Variants in MNAT1 observed in about 807,000 individuals in gnomAD.
The protein encoded by MNAT1 is MNAT1 component of CDK activating kinase.
MNAT1 carries 43 observed loss-of-function variants against 42.0 expected under a neutral mutation model. The observed-to-expected ratio is 1.02, with a 90% CI of 0.80 to 1.32. The LOEUF (loss-of-function observed/expected upper bound fraction) is 1.32. Among genes scored for constraint, MNAT1 ranks in the 40% most tolerant of loss-of-function variants. MNAT1 has a pLI of 0.00. For missense variants in MNAT1, 306 were observed against 350.4 expected (o/e 0.87, Z 1.01); for synonymous variants, 118 against 120.0 (o/e 0.98, Z 0.11).
At chr14:60,799,965 T>G (rs80115385) in intron 3 of MNAT1, among the ~76,000 whole-genome samples, 2,099 of 152,148 alleles carry the variant, frequency 0.014, 46 homozygotes, top group African/African-American at 0.048. Context: ...AGTTGCAGTA[T>G]CGGGAAACTC....
At chr14:60,825,173 A>T (rs935625899) in intron 6 of MNAT1, among the ~76,000 whole-genome samples, 1 of 152,214 alleles carries the variant, frequency 6.6e-6, no homozygotes, top group African/African-American at 2.4e-5. Flanking sequence ...CAGCCTCATT[A>T]GTGACTGGTG....
chr14:60,769,347 C>T (rs2030963701), intron 1 of MNAT1, among the ~76,000 whole-genome samples: 1 of 152,294 alleles, frequency 6.6e-6, no homozygotes, highest in South Asian at 2.1e-4. Flanking sequence ...ACATAACTCA[C>T]TGCAACTTTG....
intron 1 of MNAT1, among the ~76,000 whole-genome samples, chr14:60,785,164 T>A (rs2031607432): frequency 6.6e-6 from 1 of 152,228 alleles, no homozygotes; most frequent in Non-Finnish European, 1.5e-5. Context: ...TCAGTGAACA[T>A]TTACTATGTA....
intron 7 of MNAT1, among the ~76,000 whole-genome samples, chr14:60,911,240 A>G (rs1255723627): frequency 2.6e-5 from 4 of 151,570 alleles, no homozygotes; most frequent in East Asian, 1.9e-4. Flanking sequence ...TCTTGCTAGC[A>G]GTCTATCAAT....
chr14:60,899,212 G>A (rs1477783049), intron 7 of MNAT1, among the ~76,000 whole-genome samples: 1 of 152,108 alleles, frequency 6.6e-6, no homozygotes, highest in Non-Finnish European at 1.5e-5. Context: ...CAAAGATATA[G>A]ATGCACGTAC....
At chr14:60,889,570 A>G (rs1368163114) in intron 7 of MNAT1, among the ~76,000 whole-genome samples, 2 of 152,232 alleles carry the variant, frequency 1.3e-5, no homozygotes, top group African/African-American at 2.4e-5. Flanking sequence ...AACACCAAAA[A>G]AAATGGCAAC....
intron 7 of MNAT1, among the ~76,000 whole-genome samples, chr14:60,882,898 G>C (rs184898653): frequency 1.3e-5 from 2 of 152,044 alleles, no homozygotes; most frequent in African/African-American, 4.8e-5. Flanking sequence ...AGAAATGTAT[G>C]TTCAAATCTT....
intron 7 of MNAT1, among the ~76,000 whole-genome samples, chr14:60,906,400 A>G (rs913296863): frequency 2.6e-5 from 4 of 152,164 alleles, no homozygotes; most frequent in African/African-American, 9.7e-5. Flanking sequence ...GTCATCAGAG[A>G]GTAGATGGTG....
At chr14:60,827,057 A>G (rs1274522016) in intron 6 of MNAT1, among the ~76,000 whole-genome samples, 1 of 152,232 alleles carries the variant, frequency 6.6e-6, no homozygotes, top group Non-Finnish European at 1.5e-5. Flanking sequence ...CAAACTGAAA[A>G]TAAAATGAGT....
In MNAT1 at chr14:60,796,159, GATGTGTTGTAGATTTGAAC is replaced by G. The variant is rs2032010911; in HGVS notation, c.90-55_90-37del. On this transcript the variant is annotated intron_variant, in intron 1 of 7. Transcript: ENST00000261245. The stretch of plus-strand genomic sequence containing the variant: ...TTATCCCATAGGGGCAAACTATTCA[GATGTGTTGTAGATTTGAAC>G]ATTGGCTTAAATGTTATGTTTTATT... The G allele has an allele frequency of 2.7e-6, 4 of 1,505,532 alleles. No individual in the cohort carries two copies. The South Asian group carries it at 5.2e-5, about 20-fold the overall frequency. 93.3% of individuals were successfully genotyped at this position (1,505,532 alleles called of 1,614,324 possible).
At chr14:60,845,859 A>G (rs545131663) in intron 6 of MNAT1, among the ~76,000 whole-genome samples, 23 of 152,138 alleles carry the variant, frequency 1.5e-4, no homozygotes, top group African/African-American at 4.6e-4. Flanking sequence ...GCTTTGTTAG[A>G]CTTTAGTATG....
At chr14:60,805,613 A>G (rs1376961228) in intron 3 of MNAT1, among the ~76,000 whole-genome samples, 1 of 152,080 alleles carries the variant, frequency 6.6e-6, no homozygotes, top group Non-Finnish European at 1.5e-5. Context: ...TTTAGTTTTT[A>G]TAGTTTTGAC....
At chr14:60,744,913 C>T (rs933047837) in intron 1 of MNAT1, among the ~76,000 whole-genome samples, 2 of 152,128 alleles carry the variant, frequency 1.3e-5, no homozygotes, top group Non-Finnish European at 2.9e-5. Flanking sequence ...CCCAGTACTC[C>T]TCAACTCTAG....
At chr14:60,822,633 G>A (rs2032928236) in intron 6 of MNAT1, among the ~76,000 whole-genome samples, 1 of 151,076 alleles carries the variant, frequency 6.6e-6, no homozygotes, top group African/African-American at 2.4e-5. Flanking sequence ...GAGGAGGCAG[G>A]GTATAGTTAT....
At position 60,808,440 on chromosome 14, in the gene MNAT1, A is replaced by C. The variant is rs761262404; in HGVS notation, c.420+12A>C. The C allele has an allele frequency of 1.4e-6, 2 of 1,436,188 alleles. No individual in the cohort carries two copies. Among genetic ancestry groups the C allele is most frequent in the East Asian group, 2.4e-5 (1 of 42,002 alleles). 89.0% of individuals were successfully genotyped at this position (1,436,188 alleles called of 1,614,324 possible). A position where few individuals can be genotyped will look rare whatever the true frequency, so the allele number is the denominator to read the frequency against. ...ATAAATTAAAGCTGGTCGGTTGCTA[A>C]GTATTTTCTTCTTATTTTGTCTTAG... is the stretch of plus-strand genomic sequence containing the variant. On this transcript the variant is annotated intron_variant, in intron 4 of 7. Coordinates refer to ENST00000261245, the MANE Select transcript of MNAT1 (RefSeq NM_002431.4).
intron 7 of MNAT1, among the ~76,000 whole-genome samples, chr14:60,916,779 G>A (rs1335201718): frequency 6.6e-6 from 1 of 152,032 alleles, no homozygotes; most frequent in Non-Finnish European, 1.5e-5. Flanking sequence ...TGGTGAAACT[G>A]TGTCTTTACT....
At chr14:60,960,613 A>G (rs909610492) in intron 7 of MNAT1, among the ~76,000 whole-genome samples, 3 of 151,396 alleles carry the variant, frequency 2.0e-5, no homozygotes, top group Non-Finnish European at 4.4e-5. Flanking sequence ...TTCCTCTCCC[A>G]CCCTTAATTG....
intron 6 of MNAT1, among the ~76,000 whole-genome samples, chr14:60,823,753 G>A (rs2032972917): frequency 6.6e-6 from 1 of 152,186 alleles, no homozygotes; most frequent in Admixed American, 6.5e-5. Context: ...CAGCTACTTG[G>A]GAGACTGAGG....
At chr14:60,767,400 T>G (rs890823759) in intron 1 of MNAT1, among the ~76,000 whole-genome samples, 19 of 152,278 alleles carry the variant, frequency 1.2e-4, no homozygotes, top group Admixed American at 2.0e-4. Context: ...ATCTGGGATC[T>G]TTTTTGGATA....
Sources: gnomAD v4.1 joint callset for allele counts (sites outside exome capture counted in the v4.1 genomes callset) on GRCh38, gnomAD v4.1.1 for gene constraint, MANE v1.5 for transcripts, NCBI Gene and HGNC (gene_info 2026-07-23, HGNC 2026-07-21) for gene names.